Variants in OTOA observed in about 807,000 individuals in gnomAD.
OTOA encodes the protein cancer/testis antigen 108.
OTOA carries 70 observed loss-of-function variants against 110.8 expected under a neutral mutation model. The observed-to-expected ratio is 0.63, with a 90% CI of 0.52 to 0.77. OTOA has a LOEUF of 0.77. Among genes scored for constraint, OTOA ranks in the 30% least tolerant of loss-of-function variants. The pLI is 0.00. For synonymous variants in OTOA, 373 were observed against 431.5 expected, an observed-to-expected ratio of 0.86 and a Z score of 1.68; for missense variants, 917 against 1,075.8, an observed-to-expected ratio of 0.85 and a Z score of 2.06.
intron 12 of OTOA, among the ~76,000 whole-genome samples, chr16:21,709,082 A>G (rs770006718): frequency 6.6e-6 from 1 of 152,186 alleles, no homozygotes; most frequent in Non-Finnish European, 1.5e-5. Flanking sequence ...ATTGCTAATC[A>G]TGGTTATTTT....
intron 8 of OTOA, among the ~76,000 whole-genome samples, chr16:21,690,104 T>A (rs1023197978): frequency 6.6e-6 from 1 of 152,142 alleles, no homozygotes; most frequent in African/African-American, 2.4e-5. Context: ...ATGTATGGAA[T>A]ATTCTTTGGA....
At chr16:21,708,232 A>G (rs1012936497) in intron 12 of OTOA, among the ~76,000 whole-genome samples, 17 of 152,208 alleles carry the variant, frequency 1.1e-4, no homozygotes, top group African/African-American at 3.9e-4. Flanking sequence ...AGACAGTGAC[A>G]GATCATCAGG....
intron 21 of OTOA, among the ~76,000 whole-genome samples, chr16:21,734,712 A>G (rs1212363268): frequency 1.3e-5 from 2 of 151,880 alleles, no homozygotes; most frequent in Non-Finnish European, 2.9e-5. Context: ...TGGTGGGCAC[A>G]TGTAGTCCCA....
At chr16:21,707,593 T>TTTTCTTTC (rs58214995) in intron 12 of OTOA, among the ~76,000 whole-genome samples, 5,275 of 94,014 alleles carry the variant, frequency 0.056, 254 homozygotes, top group East Asian at 0.12. Context: ...TTCTCCTTCC[T>TTTTCTTTC]TTTCTTTCTT....
In OTOA at chr16:21,719,457, C is replaced by T. The variant is rs1898660424; in HGVS notation, c.1759C>T (p.His587Tyr). Residue 587 changes from histidine to tyrosine, a missense_variant, in exon 17 of 29, where the codon CAT (histidine) becomes TAT (tyrosine). Physicochemically the swap from His to Tyr is moderately conservative, Grantham distance 83 (BLOSUM62 2). Transcript: ENST00000646100. ...DAMSTDFFLA[H>Y]FQDFQNNFAL... is the part of the protein sequence containing the mutation. ...CATGAGCACTGACTTCTTTCTGGCC[C>T]ATTTCCAGGATTTTCAGAACAACTT... The T allele has an allele frequency of 6.2e-7, 1 of 1,614,146 alleles. No homozygotes were observed. The highest frequency in any genetic ancestry group is 2.2e-5 in the East Asian group (1 of 44,876).
chr16:21,744,220 G>A (rs1321762436), intron 23 of OTOA, among the ~76,000 whole-genome samples: 1 of 150,010 alleles, frequency 6.7e-6, no homozygotes, highest in Non-Finnish European at 1.5e-5. Context: ...GCACCATCTT[G>A]GCTAACTGCA....
intron 13 of OTOA, among the ~76,000 whole-genome samples, chr16:21,711,634 A>T (rs1410417445): frequency 6.6e-6 from 1 of 152,036 alleles, no homozygotes; most frequent in African/African-American, 2.4e-5. Context: ...ACACCCAGCG[A>T]ATTTTTGTGT....
At position 21,679,113 on chromosome 16, in the gene OTOA, A is replaced by G. The variant is rs761568367; in HGVS notation, c.151+47A>G. On this transcript the variant is annotated intron_variant, in intron 4 of 28. Transcript: ENST00000646100. Reference sequence around the variant, plus strand: ...CACTTGCTTCTTCTAAGAATTTCAAACAGAATGTAGCTGTGATCTCTCTGG... The same window carrying G: ...CACTTGCTTCTTCTAAGAATTTCAAGCAGAATGTAGCTGTGATCTCTCTGG... 29 of 1,613,194 alleles carry G rather than the reference A, an allele frequency of 1.8e-5. No individual in the cohort carries two copies. The African/African-American group carries it at 2.7e-4, about 15-fold the overall frequency.
rs921241592 is a variant in OTOA, at chr16:21,687,766, C to T, written c.635+118C>T. On this transcript the variant is annotated intron_variant, in intron 8 of 28. Transcript: ENST00000646100. The stretch of plus-strand genomic sequence containing the variant: ...CACTGCAACCTCTGCCTCCCAGGTT[C>T]AAGTGATTCTCCTGCCTCAATTCCA... 2.7e-5 allele frequency: 24 copies of T among 883,332 alleles called. No homozygotes were observed. In the African/African-American group the frequency reaches 3.9e-4, roughly 14 times the overall value. The allele number at this position is 883,332 out of a possible 1,614,324, so 54.7% of individuals were successfully genotyped here.
chr16:21,727,611 A>G (rs897567619), intron 19 of OTOA, among the ~76,000 whole-genome samples: 4 of 152,170 alleles, frequency 2.6e-5, no homozygotes, highest in African/African-American at 9.7e-5. Flanking sequence ...GTGGCATACA[A>G]ACTTTGAAGT....
At chr16:21,701,477 T>C (rs1460478070) in intron 11 of OTOA, among the ~76,000 whole-genome samples, 2 of 152,102 alleles carry the variant, frequency 1.3e-5, no homozygotes, top group African/African-American at 4.8e-5. Flanking sequence ...CTCTAGAATT[T>C]AGTGACTGTA....
intron 13 of OTOA, among the ~76,000 whole-genome samples, chr16:21,714,744 C>G (rs1044698236): frequency 5.9e-5 from 9 of 152,070 alleles, no homozygotes; most frequent in Admixed American, 2.6e-4. Flanking sequence ...CTCTTGACCT[C>G]AGGTGATCCA....
At chr16:21,715,250 G>T in intron 14 of OTOA, 98 bp downstream of exon 14, 1 of 1,530,294 alleles carries the variant, frequency 6.5e-7, no homozygotes, top group Non-Finnish European at 9.0e-7. Context: ...ACCCAGGGCT[G>T]GGATTGTCTC....
chr16:21,689,162 T>C (rs1897779906), intron 8 of OTOA, among the ~76,000 whole-genome samples: 1 of 151,974 alleles, frequency 6.6e-6, no homozygotes, highest in African/African-American at 2.4e-5. Context: ...TCGTAGTGCT[T>C]TATGGCCATA....
rs1899094069 is a variant in OTOA at position 21,730,863 on chromosome 16, C to T, written c.2234C>T (p.Thr745Ile). 5 of 1,575,684 alleles carry T rather than the reference C, an allele frequency of 3.2e-6. 1 individual carries two copies. Among genetic ancestry groups the T allele is most frequent in the Non-Finnish European group, 4.3e-6 (5 of 1,151,800 alleles). The change falls in exon 21 of 29, where the codon ACC becomes ATC. Residue 745 changes from threonine (T) to isoleucine (I), a missense_variant. Around this residue, in one of 6 missense-constraint regions of OTOA, gnomAD observed 840 missense variants for 910.2 expected, o/e 0.92. Coordinates refer to ENST00000646100, the MANE Select transcript of OTOA (RefSeq NM_144672.4). ...YGLPQHWTAE[T>I]TKDLGPFLVL... ...CTCCCTCAGCACTGGACAGCCGAGA[C>T]CACGAAGGACTTGGGACCCTTTCTA...
At chr16:21,692,909 C>G (rs1897859051) in intron 9 of OTOA, among the ~76,000 whole-genome samples, 1 of 112,808 alleles carries the variant, frequency 8.9e-6, no homozygotes, top group Non-Finnish European at 1.7e-5. Flanking sequence ...TCCTGGGTGA[C>G]AGAGTGAGAC....
intron 1 of OTOA, among the ~76,000 whole-genome samples, chr16:21,677,055 G>A (rs1966859376): frequency 6.6e-6 from 1 of 152,116 alleles, no homozygotes; most frequent in Non-Finnish European, 1.5e-5. Context: ...TCTTTTTATT[G>A]TTATTACTGA....
At chr16:21,759,327 T>C (rs1900094413) in intron 28 of OTOA, among the ~76,000 whole-genome samples, 1 of 152,088 alleles carries the variant, frequency 6.6e-6, no homozygotes, top group African/African-American at 2.4e-5. Context: ...ATACACCTTA[T>C]TCTGCACCTT....
chr16:21,706,344 G>A (rs1597825892), intron 12 of OTOA, among the ~76,000 whole-genome samples: 2 of 152,216 alleles, frequency 1.3e-5, no homozygotes, highest in East Asian at 3.8e-4. Flanking sequence ...GCTCTGGTGA[G>A]CACACCTGGA....
Sources: gnomAD v4.1 joint callset for allele counts (sites outside exome capture counted in the v4.1 genomes callset) on GRCh38, gnomAD v4.1.1 for gene constraint, gnomAD v4.1.1 regional missense constraint, MANE v1.5 for transcripts, NCBI Gene and HGNC (gene_info 2026-07-23, HGNC 2026-07-21) for gene names.